The following MORC1 variants were observed in gnomAD, a reference collection of about 807,000 sequenced individuals.
MORC1 encodes MORC family CW-type zinc finger 1.
Under a neutral mutation model 134.9 loss-of-function variants are expected in MORC1, and 59 were observed. The ratio of observed to expected loss-of-function variants is 0.44; its 90% CI spans 0.35 to 0.54. The LOEUF (loss-of-function observed/expected upper bound fraction) is 0.54. Ranked by LOEUF, MORC1 falls within the 20% of genes least tolerant of loss-of-function variation. The pLI is 0.00. For missense variants in MORC1, 947 were observed against 1,134.5 expected (o/e 0.83, Z 2.37); for synonymous variants, 395 against 391.7 (o/e 1.01, Z -0.10).
intron 12 of MORC1, among the ~76,000 whole-genome samples, chr3:109,059,358 C>A (rs1030845577): frequency 1.3e-5 from 2 of 152,008 alleles, no homozygotes; most frequent in African/African-American, 2.4e-5. Context: ...GATATATAAG[C>A]AATACATTCA....
At chr3:109,050,377 T>A (rs1251399136) in intron 14 of MORC1, among the ~76,000 whole-genome samples, 1 of 152,184 alleles carries the variant, frequency 6.6e-6, no homozygotes, top group Non-Finnish European at 1.5e-5. Context: ...TGGTGAGGGC[T>A]TGCTTCCTGG....
chr3:109,048,263 C>T (rs755411296), intron 14 of MORC1, among the ~76,000 whole-genome samples: 6 of 152,096 alleles, frequency 3.9e-5, no homozygotes, highest in Non-Finnish European at 8.8e-5. Context: ...ATATGAACAA[C>T]AGACTGGATA....
intron 20 of MORC1, among the ~76,000 whole-genome samples, chr3:109,004,073 AAATAAGAATAAG>A (rs71629377): frequency 4.6e-5 from 7 of 152,184 alleles, no homozygotes; most frequent in Non-Finnish European, 8.8e-5. Context: ...GTCTCAAAAA[AAATAAGAATAAG>A]AATAAGAATA....
intron 14 of MORC1, among the ~76,000 whole-genome samples, chr3:109,047,053 G>A (rs576696152): frequency 8.7e-4 from 132 of 152,008 alleles, no homozygotes; most frequent in African/African-American, 1.7e-3. Flanking sequence ...ACATGTACAC[G>A]TTTAAAAGAT....
chr3:108,984,771 G>C lies in MORC1; in HGVS notation c.2269C>G (p.Leu757Val). 2 of 1,605,660 alleles carry C rather than the reference G, an allele frequency of 1.2e-6. No individual in the cohort carries two copies. The highest frequency in any genetic ancestry group is 1.1e-5 in the South Asian group (1 of 89,416). Residue 757 changes from leucine to valine, a missense_variant, in exon 23 of 28, where the codon CTG becomes GTG. This residue lies in a region of MORC1 where 722 missense variants were observed against 817.0 expected (regional missense o/e 0.88). Transcript: ENST00000232603. ...IPLLNQEKQE[L>V]CNDVLAMKRS... is the part of the protein sequence containing the mutation. ...TTCATTGCTAGAACATCATTGCACA[G>C]CTCCTGTTTTTCTTCAAAAGAACAT... is the stretch of plus-strand genomic sequence containing the variant.
At chr3:109,018,699 T>C (rs1057121956) in intron 17 of MORC1, among the ~76,000 whole-genome samples, 7 of 152,172 alleles carry the variant, frequency 4.6e-5, no homozygotes, top group Admixed American at 3.3e-4. Context: ...CAAAGGGTGA[T>C]TCCTTGTGTT....
intron 8 of MORC1, among the ~76,000 whole-genome samples, chr3:109,092,750 A>G (rs184834022): frequency 1.9e-3 from 294 of 152,266 alleles, no homozygotes; most frequent in African/African-American, 6.6e-3. Context: ...CTCTCATTAT[A>G]TTTCTATTGT....
At chr3:109,043,591 A>G (rs1269541571) in intron 14 of MORC1, among the ~76,000 whole-genome samples, 2 of 150,842 alleles carry the variant, frequency 1.3e-5, no homozygotes, top group African/African-American at 4.9e-5. Flanking sequence ...CATCATAATG[A>G]AAAAAAAAGA....
At chr3:109,089,367 T>A (rs1277661633) in intron 8 of MORC1, among the ~76,000 whole-genome samples, 1 of 152,094 alleles carries the variant, frequency 6.6e-6, no homozygotes, top group Non-Finnish European at 1.5e-5. Flanking sequence ...AATGCCAAAG[T>A]AGAATTACAG....
chr3:109,053,574 T>C (rs1227035663), intron 14 of MORC1, among the ~76,000 whole-genome samples: 1 of 150,392 alleles, frequency 6.6e-6, no homozygotes. Context: ...AGCTAAACAC[T>C]GGGTAAACAT....
At chr3:108,962,488 C>T (rs1324824826) in intron 27 of MORC1, among the ~76,000 whole-genome samples, 1 of 152,086 alleles carries the variant, frequency 6.6e-6, no homozygotes, top group African/African-American at 2.4e-5. Context: ...TCTCCCTAGC[C>T]TTTTCAAGGG....
At chr3:108,963,244 T>C (rs1947129734) in intron 27 of MORC1, among the ~76,000 whole-genome samples, 170 bp downstream of exon 27, 1 of 151,972 alleles carries the variant, frequency 6.6e-6, no homozygotes, top group Non-Finnish European at 1.5e-5. Context: ...TTCTAATATA[T>C]GCCTTCACAG....
intron 24 of MORC1, among the ~76,000 whole-genome samples, chr3:108,976,226 G>A (rs1380642320): frequency 6.6e-6 from 1 of 152,128 alleles, no homozygotes; most frequent in African/African-American, 2.4e-5. Context: ...TTGGCATTGT[G>A]GAAATTGATA....
At chr3:109,106,495 G>T (rs954594899) in intron 3 of MORC1, among the ~76,000 whole-genome samples, 2 of 152,056 alleles carry the variant, frequency 1.3e-5, no homozygotes, top group African/African-American at 4.8e-5. Context: ...TGAATTTCAG[G>T]TATATTTTAT....
At chr3:108,995,268 C>T (rs1005281490) in intron 21 of MORC1, among the ~76,000 whole-genome samples, 5 of 152,296 alleles carry the variant, frequency 3.3e-5, no homozygotes, top group Admixed American at 2.6e-4. Context: ...AGACACTGAT[C>T]CTCCTGACAA....
intron 8 of MORC1, among the ~76,000 whole-genome samples, chr3:109,081,460 T>A (rs1274120084): frequency 1.3e-5 from 2 of 149,454 alleles, no homozygotes; most frequent in African/African-American, 4.9e-5. Flanking sequence ...AAACTTTTTT[T>A]TTTTTTTTTT....
chr3:109,049,143 G>A, intron 14 of MORC1: 1 of 984,878 alleles, frequency 1.0e-6, no homozygotes, highest in Non-Finnish European at 1.2e-6. Flanking sequence ...TGTATCCTTA[G>A]CAAAGCTGTT....
chr3:109,056,828 A>T (rs888505193), intron 13 of MORC1, among the ~76,000 whole-genome samples: 1 of 152,180 alleles, frequency 6.6e-6, no homozygotes, highest in Non-Finnish European at 1.5e-5. Context: ...TCAGGACTCT[A>T]CATCATTGAT....
Position 109,082,388 on chromosome 3 carries a change from T to A in MORC1, c.689+11048A>T, listed in dbSNP as rs533367187. On this transcript the variant is annotated intron_variant, in intron 8 of 27. Transcript: ENST00000232603. ...TTCAGTGCAAAGACATAGATGTACA[T>A]CCACAAGAAACAACAGCAAACAGAG... 1.1e-4 allele frequency among the ~76,000 whole-genome samples: 17 copies of A among 151,952 alleles called. 1 individual carries two copies. The South Asian group carries it at 3.5e-3, about 32-fold the overall frequency.
Sources: allele counts gnomAD v4.1 joint callset (sites outside exome capture counted in the v4.1 genomes callset), GRCh38; gene constraint gnomAD v4.1.1; regional missense constraint gnomAD v4.1.1; transcripts MANE v1.5; gene names NCBI Gene and HGNC (gene_info 2026-07-23, HGNC 2026-07-21).